Variants in ADAM22 observed in about 807,000 individuals in gnomAD.
ADAM22 encodes disintegrin and metalloproteinase domain-containing protein 22.
In ADAM22, 65 loss-of-function variants were observed where a neutral mutation model predicts 144.6. That is an observed-to-expected ratio of 0.45 (90% CI 0.37 to 0.55). ADAM22 has a LOEUF of 0.55. Among genes scored for constraint, ADAM22 ranks in the 20% least tolerant of loss-of-function variants. The probability of loss-of-function intolerance (pLI) is 0.00; values close to 1 mark genes in which losing one functional copy is unlikely to be tolerated. For synonymous variants in ADAM22, 391 were observed against 412.6 expected (o/e 0.95, Z 0.63); for missense variants, 974 against 1,184.9 (o/e 0.82, Z 2.61).
intron 26 of ADAM22, among the ~76,000 whole-genome samples, chr7:88,176,859 A>G (rs1845799240): frequency 6.6e-6 from 1 of 151,974 alleles, no homozygotes; most frequent in South Asian, 2.1e-4. Context: ...CTGCCTCCCA[A>G]GTTCAAGCAC....
intron 26 of ADAM22, among the ~76,000 whole-genome samples, chr7:88,176,012 A>G (rs1845561413): frequency 6.6e-6 from 1 of 152,054 alleles, no homozygotes; most frequent in Non-Finnish European, 1.5e-5. Context: ...TCGCTCTGTC[A>G]CCCAAGCTGG....
chr7:88,144,595 G>A (rs941946725), intron 15 of ADAM22, among the ~76,000 whole-genome samples: 1 of 152,010 alleles, frequency 6.6e-6, no homozygotes, highest in Non-Finnish European at 1.5e-5. Context: ...GTAATAAAGG[G>A]TTTTTTCACA....
At chr7:88,144,516 G>A (rs1835761814) in intron 15 of ADAM22, among the ~76,000 whole-genome samples, 1 of 151,960 alleles carries the variant, frequency 6.6e-6, no homozygotes. Context: ...GTCGATCAAT[G>A]GATATACTAA....
At chr7:87,974,568 T>A (rs1373188442) in intron 2 of ADAM22, among the ~76,000 whole-genome samples, 1 of 152,178 alleles carries the variant, frequency 6.6e-6, no homozygotes, top group African/African-American at 2.4e-5. Context: ...TTAGCCAAAC[T>A]GTGGAGGAAA....
intron 5 of ADAM22, among the ~76,000 whole-genome samples, chr7:88,113,119 CTTTTTTTTTTT>C (rs34323035): frequency 2.8e-4 from 22 of 79,000 alleles, no homozygotes; most frequent in African/African-American, 2.8e-4. Flanking sequence ...TGCCTGCCCT[CTTTTTTTTTTT>C]TTTTTTTTTT....
chr7:87,945,070 C>G (rs965640729), intron 2 of ADAM22, among the ~76,000 whole-genome samples: 48 of 152,066 alleles, frequency 3.2e-4, no homozygotes, highest in African/African-American at 1.1e-3. Context: ...CACACTTCTC[C>G]CCATTTTACA....
chr7:88,085,448 T>C (rs1818194727), intron 4 of ADAM22, among the ~76,000 whole-genome samples: 1 of 152,168 alleles, frequency 6.6e-6, no homozygotes, highest in African/African-American at 2.4e-5. Flanking sequence ...CTGGATGCAG[T>C]GTCATGCCTG....
chr7:88,085,961 C>T (rs936065985), intron 4 of ADAM22, among the ~76,000 whole-genome samples: 4 of 152,050 alleles, frequency 2.6e-5, no homozygotes, highest in African/African-American at 4.8e-5. Flanking sequence ...GGGATCACGA[C>T]GTCAGGAGAT....
At chr7:87,954,391 T>C (rs1245824108) in intron 2 of ADAM22, among the ~76,000 whole-genome samples, 2 of 152,178 alleles carry the variant, frequency 1.3e-5, no homozygotes, top group African/African-American at 4.8e-5. Context: ...TTATTTCTCC[T>C]TCACTTATGA....
chr7:88,152,384 C>T (rs1483986416), intron 20 of ADAM22, among the ~76,000 whole-genome samples: 1 of 152,032 alleles, frequency 6.6e-6, no homozygotes, highest in Non-Finnish European at 1.5e-5. Context: ...ACTGATATAC[C>T]TTAAAATGTT....
chr7:88,020,812 G>C (rs908944822), intron 3 of ADAM22, among the ~76,000 whole-genome samples: 1 of 152,110 alleles, frequency 6.6e-6, no homozygotes, highest in African/African-American at 2.4e-5. Context: ...TTTTCAGTGA[G>C]ACCATTTACA....
At chr7:88,127,815 A>G (rs1347849183) in intron 8 of ADAM22, among the ~76,000 whole-genome samples, 1 of 152,072 alleles carries the variant, frequency 6.6e-6, no homozygotes, top group African/African-American at 2.4e-5. Flanking sequence ...AGCTAGCTTT[A>G]CAAACCTTGT....
intron 3 of ADAM22, among the ~76,000 whole-genome samples, chr7:88,056,529 G>A (rs1016051775): frequency 6.6e-6 from 1 of 152,066 alleles, no homozygotes; most frequent in African/African-American, 2.4e-5. Flanking sequence ...CTGGGCTGTC[G>A]GCTGAATTTA....
intron 3 of ADAM22, among the ~76,000 whole-genome samples, chr7:88,034,676 C>T (rs566711294): frequency 6.6e-6 from 1 of 152,110 alleles, no homozygotes; most frequent in Non-Finnish European, 1.5e-5. Context: ...GCACTTTAGC[C>T]TCAGGTAGTG....
intron 3 of ADAM22, among the ~76,000 whole-genome samples, chr7:88,053,887 T>C (rs769261419): frequency 1.3e-5 from 2 of 152,160 alleles, no homozygotes; most frequent in African/African-American, 4.8e-5. Context: ...TCGCAGCACT[T>C]TGGGAGGCTG....
intron 2 of ADAM22, among the ~76,000 whole-genome samples, chr7:87,976,201 A>G (rs1049741051): frequency 6.6e-6 from 1 of 152,198 alleles, no homozygotes; most frequent in Non-Finnish European, 1.5e-5. Flanking sequence ...GAGGTTGGAA[A>G]GGCTTCATGG....
At chr7:87,964,046 A>T (rs1848548343) in intron 2 of ADAM22, among the ~76,000 whole-genome samples, 1 of 152,170 alleles carries the variant, frequency 6.6e-6, no homozygotes, top group African/African-American at 2.4e-5. Flanking sequence ...TGTGATTCTG[A>T]CTTTACATCA....
chr7:88,163,314 T>A, intron 23 of ADAM22, 134 bp downstream of exon 23: 1 of 634,028 alleles, frequency 1.6e-6, no homozygotes, highest in Non-Finnish European at 2.4e-6. Context: ...AAATACTAAT[T>A]CAATTATAGT....
In ADAM22 at chr7:88,145,209, T is replaced by C. The variant is rs376007071; in HGVS notation, c.1392+13T>C. The stretch of plus-strand genomic sequence containing the variant: ...TGGAACCCCGGCCGTAAGTCTCTGG[T>C]TGTTTTGATGATATTTTCTAGGTAA... On this transcript the variant is annotated intron_variant, in intron 16 of 31. Transcript: ENST00000413139. The C allele has an allele frequency of 3.1e-5, 50 of 1,613,184 alleles. No individual in the cohort carries two copies. Among genetic ancestry groups the C allele is most frequent in the Admixed American group, 1.3e-4 (8 of 59,900 alleles).
Sources: allele counts gnomAD v4.1 joint callset (sites outside exome capture counted in the v4.1 genomes callset), GRCh38; gene constraint gnomAD v4.1.1; transcripts MANE v1.5; gene names NCBI Gene and HGNC (gene_info 2026-07-23, HGNC 2026-07-21).